The following FSTL5 variants were observed in gnomAD, a reference collection of about 807,000 sequenced individuals.
FSTL5 encodes the protein follistatin-related protein 5.
A neutral mutation model predicts 89.1 loss-of-function variants in FSTL5; 62 were observed. That is an observed-to-expected ratio of 0.70 (90% CI 0.57 to 0.86). The LOEUF is 0.86. Among genes scored for constraint, FSTL5 ranks in the 40% least tolerant of loss-of-function variants. The pLI is 0.00. For synonymous variants in FSTL5, 383 were observed against 346.2 expected, an observed-to-expected ratio of 1.11 and a Z score of -1.18; for missense variants, 1,057 against 1,001.6, an observed-to-expected ratio of 1.06 and a Z score of -0.75.
chr4:161,730,506 C>CT, intron 6 of FSTL5, among the ~76,000 whole-genome samples: 2 of 152,044 alleles, frequency 1.3e-5, no homozygotes, highest in African/African-American at 4.8e-5. Flanking sequence ...TTTAATGCTG[C>CT]ATAAAAATTT....
intron 4 of FSTL5, among the ~76,000 whole-genome samples, chr4:161,867,361 T>C (rs1010222694): frequency 1.3e-5 from 2 of 151,984 alleles, no homozygotes; most frequent in Non-Finnish European, 2.9e-5. Context: ...TACTAATTAC[T>C]AATCAATTTA....
chr4:161,487,930 G>T (rs1337270297), intron 12 of FSTL5, among the ~76,000 whole-genome samples: 1 of 151,868 alleles, frequency 6.6e-6, no homozygotes, highest in East Asian at 1.9e-4. Context: ...AGATTCCTAG[G>T]ATATATTTAC....
chr4:161,754,826 T>C (rs1740518007), intron 6 of FSTL5, among the ~76,000 whole-genome samples: 1 of 152,160 alleles, frequency 6.6e-6, no homozygotes, highest in African/African-American at 2.4e-5. Context: ...TACTGACAGA[T>C]TTAAATCAGA....
intron 13 of FSTL5, among the ~76,000 whole-genome samples, chr4:161,474,978 A>C (rs1273604715): frequency 2.7e-5 from 4 of 149,556 alleles, no homozygotes; most frequent in Admixed American, 6.7e-5. Context: ...CTTAATTTCT[A>C]CTTCGCTTTT....
chr4:161,893,716 A>C (rs947954956), intron 4 of FSTL5, among the ~76,000 whole-genome samples: 2 of 152,232 alleles, frequency 1.3e-5, no homozygotes, highest in Non-Finnish European at 2.9e-5. Context: ...TATAAGGTCT[A>C]TTAAAACAGA....
At chr4:161,786,063 C>T (rs548712675) in intron 4 of FSTL5, among the ~76,000 whole-genome samples, 22 of 152,064 alleles carry the variant, frequency 1.4e-4, no homozygotes, top group South Asian at 4.2e-4. Flanking sequence ...AGAGATAATA[C>T]ATTTATGAAT....
intron 4 of FSTL5, among the ~76,000 whole-genome samples, chr4:161,876,898 T>C (rs776472361): frequency 8.5e-5 from 13 of 152,084 alleles, no homozygotes; most frequent in Non-Finnish European, 1.5e-4. Context: ...AAAATTACTA[T>C]GATAGGCCGG....
intron 4 of FSTL5, among the ~76,000 whole-genome samples, chr4:161,785,142 T>A (rs1212875181): frequency 6.6e-6 from 1 of 152,176 alleles, no homozygotes; most frequent in African/African-American, 2.4e-5. Flanking sequence ...TACGTGAAGA[T>A]CTGAGGAACT....
intron 1 of FSTL5, among the ~76,000 whole-genome samples, chr4:162,147,866 G>A (rs572727448): frequency 3.2e-4 from 48 of 152,150 alleles, no homozygotes; most frequent in African/African-American, 1.0e-3. Context: ...TTAGCTGGGC[G>A]TGGTGGCAGG....
chr4:161,411,071 T>G (rs546288794), intron 15 of FSTL5, among the ~76,000 whole-genome samples: 1 of 143,226 alleles, frequency 7.0e-6, no homozygotes, highest in East Asian at 2.1e-4. Flanking sequence ...AACAACTCTA[T>G]GCACAGAAAT....
intron 8 of FSTL5, among the ~76,000 whole-genome samples, chr4:161,571,292 GT>G (rs1325592110): frequency 6.6e-6 from 1 of 152,102 alleles, no homozygotes; most frequent in Non-Finnish European, 1.5e-5. Context: ...ACAGTGGATG[GT>G]TTTGGCAGAC....
intron 15 of FSTL5, among the ~76,000 whole-genome samples, chr4:161,427,477 A>G (rs1418457525): frequency 6.6e-6 from 1 of 152,224 alleles, no homozygotes; most frequent in Non-Finnish European, 1.5e-5. Flanking sequence ...TTCCAACAGC[A>G]TTGCTAAGTA....
At chr4:161,864,301 A>T (rs1482036154) in intron 4 of FSTL5, among the ~76,000 whole-genome samples, 1 of 152,178 alleles carries the variant, frequency 6.6e-6, no homozygotes, top group African/African-American at 2.4e-5. Flanking sequence ...CAGGTGGATC[A>T]GGGCTTGAAT....
chr4:161,399,305 T>C (rs1191411825), intron 15 of FSTL5, among the ~76,000 whole-genome samples: 1 of 152,156 alleles, frequency 6.6e-6, no homozygotes, highest in Non-Finnish European at 1.5e-5. Context: ...ACCTGAAGCC[T>C]TACGGTAACA....
intron 15 of FSTL5, among the ~76,000 whole-genome samples, chr4:161,450,935 G>A (rs1286206281): frequency 1.3e-5 from 2 of 151,796 alleles, no homozygotes; most frequent in East Asian, 3.9e-4. Context: ...CAGTAGAGAC[G>A]AGGTTTCACC....
chr4:162,007,479 G>A (rs1396422752), intron 3 of FSTL5, among the ~76,000 whole-genome samples: 1 of 151,544 alleles, frequency 6.6e-6, no homozygotes, highest in Non-Finnish European at 1.5e-5. Flanking sequence ...TATATAAACA[G>A]CAACTCTTTA....
chr4:161,742,432 C>T (rs372038418), intron 6 of FSTL5, among the ~76,000 whole-genome samples: 3 of 152,076 alleles, frequency 2.0e-5, no homozygotes, highest in African/African-American at 4.8e-5. Flanking sequence ...TTTAGGGGAA[C>T]GATTCAAGAT....
At chr4:161,549,823 C>A (rs1732137413) in intron 8 of FSTL5, among the ~76,000 whole-genome samples, 1 of 151,946 alleles carries the variant, frequency 6.6e-6, no homozygotes, top group African/African-American at 2.4e-5. Flanking sequence ...ATCTGAGACT[C>A]TATTTGGTGA....
intron 15 of FSTL5, among the ~76,000 whole-genome samples, chr4:161,409,532 C>T (rs1038029012): frequency 2.0e-5 from 3 of 152,004 alleles, no homozygotes; most frequent in African/African-American, 7.3e-5. Flanking sequence ...CAGACATGTG[C>T]CACCACATGA....
Sources: gnomAD v4.1 joint callset for allele counts (sites outside exome capture counted in the v4.1 genomes callset) on GRCh38, gnomAD v4.1.1 for gene constraint, MANE v1.5 for transcripts, NCBI Gene and HGNC (gene_info 2026-07-23, HGNC 2026-07-21) for gene names.